The following OR1L8 variants were observed in gnomAD, a reference collection of about 807,000 sequenced individuals.
OR1L8 encodes olfactory receptor 1L8.
For synonymous variants in OR1L8, 148 were observed against 147.0 expected, an observed-to-expected ratio of 1.01 and a Z score of -0.05; for missense variants, 330 against 377.4, an observed-to-expected ratio of 0.87 and a Z score of 1.04.
chr9:122,579,271 C>T (rs11792356), intron 1 of OR1L8, among the ~76,000 whole-genome samples: 26,369 of 151,742 alleles, frequency 0.17, 2,464 homozygotes, highest in Middle Eastern at 0.24. Context: ...ATAATTTTAA[C>T]ATAAATTTGA....
chr9:122,568,569 T>A lies in OR1L8; in HGVS notation c.-92A>T. 1.3e-6 allele frequency: 1 copy of A among 785,632 alleles called. No individual in the cohort carries two copies. The highest frequency in any genetic ancestry group is 2.0e-6 in the Non-Finnish European group (1 of 492,238). 48.7% of individuals were successfully genotyped at this position (785,632 alleles called of 1,614,324 possible). ...CATGAGAACCTAGCAAGTCTTTGTT[T>A]CTTCTGTTTGGTCACAATTAGCTAC... is the stretch of plus-strand genomic sequence containing the variant. On this transcript the variant is annotated 5_prime_UTR_variant, in exon 5 of 5. Transcript: ENST00000641027.
downstream of OR1L8, among the ~76,000 whole-genome samples, chr9:122,564,076 G>A (rs999496206): frequency 2.0e-5 from 3 of 152,124 alleles, no homozygotes; most frequent in Admixed American, 6.5e-5. Context: ...TGTGCATTGG[G>A]AAAAGGGAAA....
At chr9:122,558,511 T>G in the OR1L8 span, among the ~76,000 whole-genome samples, 1 of 151,766 alleles carries the variant, frequency 6.6e-6, no homozygotes, top group Non-Finnish European at 1.5e-5. Flanking sequence ...TCTATTTGAC[T>G]TCATACTTTC....
the OR1L8 span, among the ~76,000 whole-genome samples, chr9:122,560,099 T>C: frequency 1.1e-3 from 172 of 152,322 alleles, no homozygotes; most frequent in Non-Finnish European, 1.4e-3. Context: ...TGTTTGTCTT[T>C]TTTTATTTTT....
intron 3 of OR1L8, among the ~76,000 whole-genome samples, chr9:122,575,016 G>C (rs1318980733): frequency 6.6e-6 from 1 of 152,082 alleles, no homozygotes; most frequent in Non-Finnish European, 1.5e-5. Context: ...ATTTTGGAAT[G>C]TTGAACCAGG....
At chr9:122,554,161 G>C in the OR1L8 span, 5 of 1,607,512 alleles carry the variant, frequency 3.1e-6, no homozygotes, top group Non-Finnish European at 4.2e-6. Flanking sequence ...TTCTTTTTAT[G>C]ATTAGACATC....
At chr9:122,563,929 GATTT>G (rs1271995968), downstream of OR1L8, among the ~76,000 whole-genome samples, 2 of 152,132 alleles carry the variant, frequency 1.3e-5, no homozygotes, top group Non-Finnish European at 2.9e-5. Flanking sequence ...ATAGATACAT[GATTT>G]ATTTTTGGGT....
At chr9:122,547,658 TACA>T in the OR1L8 span, among the ~76,000 whole-genome samples, 6 of 150,188 alleles carry the variant, frequency 4.0e-5, no homozygotes, top group African/African-American at 1.5e-4. Flanking sequence ...TGTGTGTGTG[TACA>T]TACACACTAC....
At chr9:122,546,929 C>T in the OR1L8 span, among the ~76,000 whole-genome samples, 1 of 152,046 alleles carries the variant, frequency 6.6e-6, no homozygotes, top group Non-Finnish European at 1.5e-5. Context: ...TCATCTCGAA[C>T]ATTTATCATT....
At chr9:122,580,235 C>T (rs980118822) in intron 1 of OR1L8, among the ~76,000 whole-genome samples, 1 of 152,154 alleles carries the variant, frequency 6.6e-6, no homozygotes, top group Admixed American at 6.5e-5. Context: ...ACACCTTCCA[C>T]GTCATTTCAA....
chr9:122,554,070 A>G, the OR1L8 span: 79 of 1,613,598 alleles, frequency 4.9e-5, no homozygotes, highest in Non-Finnish European at 6.5e-5. Flanking sequence ...GATTATTCCC[A>G]CGCTAAACCC....
chr9:122,572,351 T>A (rs1472144934), intron 4 of OR1L8, among the ~76,000 whole-genome samples: 1 of 152,168 alleles, frequency 6.6e-6, no homozygotes, highest in African/African-American at 2.4e-5. Flanking sequence ...AAAGCAGTCA[T>A]TCATGAAAAG....
At chr9:122,575,860 T>C (rs1829645257) in intron 3 of OR1L8, among the ~76,000 whole-genome samples, 1 of 152,238 alleles carries the variant, frequency 6.6e-6, no homozygotes, top group African/African-American at 2.4e-5. Flanking sequence ...TCATGCTTCA[T>C]GTCTGTATCC....
chr9:122,553,520 G>A, the OR1L8 span: 3 of 1,614,096 alleles, frequency 1.9e-6, no homozygotes, highest in Non-Finnish European at 2.5e-6. Flanking sequence ...GTCTTGCACA[G>A]CTATATTTCC....
chr9:122,579,618 A>G (rs1442764072), intron 1 of OR1L8, among the ~76,000 whole-genome samples: 1 of 152,140 alleles, frequency 6.6e-6, no homozygotes, highest in East Asian at 1.9e-4. Flanking sequence ...TTAATTAGAT[A>G]TTAGTTGTGA....
In OR1L8 at chr9:122,583,309, T is replaced by G. The variant is rs944353490; in HGVS notation, c.-600+12A>C. On this transcript the variant is annotated intron_variant, in intron 1 of 4. Coordinates refer to ENST00000641027, the MANE Select transcript of OR1L8 (RefSeq NM_001004454.2). ...AAACAAAAAAAAAAACAGTAAAATA[T>G]GAGAAACTCACAGTCAAGAGAAGCC... is the stretch of plus-strand genomic sequence containing the variant. 1.3e-5 allele frequency: 2 copies of G among 150,462 alleles called. No individual in the cohort carries two copies. The allele number at this position is 150,462 out of a possible 1,614,324, so 9.3% of individuals were successfully genotyped here. A position where few individuals can be genotyped will look rare whatever the true frequency, so the allele number is the denominator to read the frequency against.
the OR1L8 span, chr9:122,553,293 C>G: frequency 5.0e-6 from 8 of 1,613,910 alleles, no homozygotes; most frequent in South Asian, 8.8e-5. Flanking sequence ...AGAGGAGCAG[C>G]CTCTTCTGTT....
rs139466461 is a variant in OR1L8, at chr9:122,583,061, G to A, written c.-600+260C>T. Among the ~76,000 whole-genome samples the A allele has an allele frequency of 7.9e-5, 12 of 151,860 alleles. No homozygotes were observed. In the East Asian group the frequency reaches 1.9e-3, roughly 25 times the overall value. ...AATATAATCAGAGACTCAATAAACA[G>A]GAATAGCAATACGTTTTGATGTGTA... is the stretch of plus-strand genomic sequence containing the variant. On this transcript the variant is annotated intron_variant, in intron 1 of 4. Transcript: ENST00000641027.
At chr9:122,569,217 C>T (rs951373161) in intron 4 of OR1L8, among the ~76,000 whole-genome samples, 2 of 152,120 alleles carry the variant, frequency 1.3e-5, no homozygotes, top group Non-Finnish European at 2.9e-5. Context: ...CACAAGTCTC[C>T]CTTTTTTTGT....
Sources: allele counts gnomAD v4.1 joint callset (sites outside exome capture counted in the v4.1 genomes callset), GRCh38; gene constraint gnomAD v4.1.1; transcripts MANE v1.5; gene names NCBI Gene and HGNC (gene_info 2026-07-23, HGNC 2026-07-21).